The following PCMT1 variants were observed in gnomAD, a reference collection of about 807,000 sequenced individuals.
The protein encoded by PCMT1 is protein-L-isoaspartate (D-aspartate) O-methyltransferase, also known as protein-L-isoaspartate(D-aspartate) O-methyltransferase.
A neutral mutation model predicts 29.2 loss-of-function variants in PCMT1; 9 were observed. The ratio of observed to expected loss-of-function variants is 0.31; its 90% confidence interval spans 0.19 to 0.54. The LOEUF (loss-of-function observed/expected upper bound fraction) is 0.54. Among genes scored for constraint, PCMT1 ranks in the 20% least tolerant of loss-of-function variants. The probability of loss-of-function intolerance (pLI) is 0.95; values close to 1 mark genes in which losing one functional copy is unlikely to be tolerated. For synonymous variants in PCMT1, 98 were observed against 97.5 expected (o/e 1.00, Z -0.03); for missense variants, 184 against 282.2 (o/e 0.65, Z 2.49).
chr6:149,807,449 G>A (rs577601931), intron 7 of PCMT1, among the ~76,000 whole-genome samples: 1 of 152,240 alleles, frequency 6.6e-6, no homozygotes, highest in African/African-American at 2.4e-5. Context: ...TTGGCTCACT[G>A]CACCTCCGCC....
At chr6:149,759,121 C>T (rs1033510831) in intron 1 of PCMT1, among the ~76,000 whole-genome samples, 4 of 152,130 alleles carry the variant, frequency 2.6e-5, no homozygotes, top group East Asian at 1.9e-4. Context: ...GTGATCTGCC[C>T]GGCTCGGCCT....
chr6:149,806,880 C>T (rs150561888), intron 7 of PCMT1, among the ~76,000 whole-genome samples: 21 of 152,284 alleles, frequency 1.4e-4, no homozygotes, highest in African/African-American at 4.8e-4. Context: ...GCTTGAGCCA[C>T]CAGCCTCAAA....
chr6:149,774,245 C>CTT (rs1341026260), intron 3 of PCMT1, among the ~76,000 whole-genome samples: 1 of 146,232 alleles, frequency 6.8e-6, no homozygotes, highest in Non-Finnish European at 1.5e-5. Flanking sequence ...TTTTTCTTTT[C>CTT]TTTTTTTTTT....
At chr6:149,760,140 A>G (rs1258028267) in intron 1 of PCMT1, among the ~76,000 whole-genome samples, 1 of 152,022 alleles carries the variant, frequency 6.6e-6, no homozygotes, top group African/African-American at 2.4e-5. Flanking sequence ...CTGTTATGTC[A>G]CTTTGCTGCT....
chr6:149,787,651 C>T (rs1228003990), intron 3 of PCMT1, among the ~76,000 whole-genome samples: 2 of 152,098 alleles, frequency 1.3e-5, no homozygotes, highest in Non-Finnish European at 1.5e-5. Context: ...GTGTGAGCCA[C>T]CATGCCCGGC....
intron 3 of PCMT1, among the ~76,000 whole-genome samples, chr6:149,786,591 T>C (rs1788098888): frequency 1.6e-5 from 2 of 122,376 alleles, no homozygotes; most frequent in Non-Finnish European, 3.2e-5. Flanking sequence ...TCTCCTCACT[T>C]CTCAGATGGG....
At chr6:149,797,426 T>A (rs890591744) in intron 6 of PCMT1, 2 of 152,294 alleles carry the variant, frequency 1.3e-5, no homozygotes, top group East Asian at 3.9e-4. Flanking sequence ...GGCTCATGCA[T>A]GTAACCCCAG....
At chr6:149,757,428 G>C (rs1225399411) in intron 1 of PCMT1, among the ~76,000 whole-genome samples, 1 of 152,160 alleles carries the variant, frequency 6.6e-6, no homozygotes, top group Admixed American at 6.5e-5. Context: ...TTTAGCTTTG[G>C]TTAAATGCTT....
At chr6:149,775,302 T>G (rs1169854667) in intron 3 of PCMT1, among the ~76,000 whole-genome samples, 8 of 152,144 alleles carry the variant, frequency 5.3e-5, no homozygotes, top group Non-Finnish European at 1.2e-4. Context: ...AGTAATGTCT[T>G]CTTGAAACAT....
At chr6:149,753,026 GTAGAATAGTTGTT>G (rs1234590098) in intron 1 of PCMT1, among the ~76,000 whole-genome samples, 1 of 151,942 alleles carries the variant, frequency 6.6e-6, no homozygotes, top group African/African-American at 2.4e-5. Flanking sequence ...GGAAATTAGA[GTAGAATAGTTGTT>G]TAGCCTCTTT....
At chr6:149,767,733 C>T (rs892342445) in intron 1 of PCMT1, among the ~76,000 whole-genome samples, 3 of 151,786 alleles carry the variant, frequency 2.0e-5, no homozygotes, top group Non-Finnish European at 2.9e-5. Context: ...GGATTACAGA[C>T]GTGAGCCACT....
intron 3 of PCMT1, among the ~76,000 whole-genome samples, chr6:149,774,250 T>TCTTTTC (rs1787458638): frequency 1.3e-5 from 2 of 150,280 alleles, no homozygotes; most frequent in African/African-American, 2.5e-5. Context: ...CTTTTCTTTT[T>TCTTTTC]TTTTTTTGAG....
At chr6:149,803,797 GAA>G (rs35832236) in intron 7 of PCMT1, among the ~76,000 whole-genome samples, 4,022 of 109,900 alleles carry the variant, frequency 0.037, 188 homozygotes, top group African/African-American at 0.11. Flanking sequence ...ACAGCCACTG[GAA>G]AAAAAAAAAA....
rs184436703 is a variant in PCMT1 at position 149,752,741 on chromosome 6, A to G, written c.55+2785A>G. On this transcript the variant is annotated intron_variant, in intron 1 of 7. Transcript: ENST00000464889. ...ACAAATTGTGATTAAGTAATTTTCC[A>G]CCGGTAGGTTATCATAGTAGGCACT... Among the ~76,000 whole-genome samples the G allele has an allele frequency of 2.6e-5, 4 of 152,252 alleles. No individual in the cohort carries two copies. In the East Asian group the frequency reaches 7.7e-4, roughly 29 times the overall value.
At chr6:149,750,164 A>T in intron 1 of PCMT1, 1 of 694,696 alleles carries the variant, frequency 1.4e-6, no homozygotes, top group South Asian at 2.0e-5. Context: ...CTGGAAGGGG[A>T]GAGAAAGAGC....
At chr6:149,779,441 C>G (rs1787719025) in intron 3 of PCMT1, among the ~76,000 whole-genome samples, 1 of 152,148 alleles carries the variant, frequency 6.6e-6, no homozygotes, top group Non-Finnish European at 1.5e-5. Context: ...TAATTAGACA[C>G]TCTCCTGAAC....
At chr6:149,773,035 A>AAAT in intron 2 of PCMT1, 103 bp from the exon 3 acceptor site, 2 of 907,750 alleles carry the variant, frequency 2.2e-6, no homozygotes, top group Non-Finnish European at 3.4e-6. Context: ...AAAAAAAAAA[A>AAAT]GAATTATTGT....
chr6:149,773,350 A>AGTTTT lies in PCMT1; in HGVS notation c.192+222_192+226dup, dbSNP rs71709110. ...TTCTTAATACAGGGTCTGTAGAAGG[A>AGTTTT]GTTTTGTTTTGTTTTGTTTTGTTTT... is the stretch of plus-strand genomic sequence containing the variant. On this transcript the variant is annotated intron_variant, in intron 3 of 7. Transcript: ENST00000464889. Among the ~76,000 whole-genome samples, 1,220 of 150,860 alleles carry AGTTTT rather than the reference A, an allele frequency of 8.1e-3. 7 individuals carry two copies. The highest frequency in any genetic ancestry group is 0.016 in the South Asian group (76 of 4,756).
chr6:149,806,015 C>T (rs995464509), intron 7 of PCMT1, among the ~76,000 whole-genome samples: 2 of 151,228 alleles, frequency 1.3e-5, no homozygotes, highest in Admixed American at 1.3e-4. Context: ...CCAGGTGTAC[C>T]AGGAGGACTT....
Sources: gnomAD v4.1 joint callset for allele counts (sites outside exome capture counted in the v4.1 genomes callset) on GRCh38, gnomAD v4.1.1 for gene constraint, MANE v1.5 for transcripts, NCBI Gene and HGNC (gene_info 2026-07-23, HGNC 2026-07-21) for gene names.